KAZN: variants seen among roughly 807,000 people sequenced by gnomAD.
KAZN encodes the protein kazrin, periplakin interacting protein.
In KAZN, 40 loss-of-function variants were observed where a neutral mutation model predicts 87.4. That is an observed-to-expected ratio of 0.46 (90% confidence interval 0.36 to 0.60). KAZN has a LOEUF of 0.60. Ranked by LOEUF, KAZN falls within the 20% of genes least tolerant of loss-of-function variation. The probability of loss-of-function intolerance (pLI) is 0.00; values close to 1 mark genes in which losing one functional copy is unlikely to be tolerated. For synonymous variants in KAZN, 466 were observed against 458.3 expected, an observed-to-expected ratio of 1.02 and a Z score of -0.22; for missense variants, 898 against 1,073.9, an observed-to-expected ratio of 0.84 and a Z score of 2.29.
chr1:14,005,705 T>C (rs1357490503), intron 1 of KAZN, among the ~76,000 whole-genome samples: 1 of 152,230 alleles, frequency 6.6e-6, no homozygotes, highest in South Asian at 2.1e-4. Flanking sequence ...GATCTTTACC[T>C]ATAGAATTAA....
chr1:14,399,408 G>A (rs1571525385), intron 2 of KAZN, among the ~76,000 whole-genome samples: 1 of 152,146 alleles, frequency 6.6e-6, no homozygotes. Flanking sequence ...TTAGGTAGTA[G>A]TGTTCTATCA....
At chr1:14,569,219 A>G (rs1170427192) in intron 2 of KAZN, among the ~76,000 whole-genome samples, 2 of 152,096 alleles carry the variant, frequency 1.3e-5, no homozygotes, top group African/African-American at 2.4e-5. Context: ...TGGATATTAT[A>G]CAACAGATTC....
intron 2 of KAZN, among the ~76,000 whole-genome samples, chr1:14,295,131 C>G (rs1253107218): frequency 2.0e-5 from 3 of 152,090 alleles, no homozygotes; most frequent in African/African-American, 7.2e-5. Flanking sequence ...AGAAGGTGGA[C>G]AAATATGTAT....
At chr1:14,672,284 A>T (rs1389790161) in intron 1 of KAZN, among the ~76,000 whole-genome samples, 1 of 152,116 alleles carries the variant, frequency 6.6e-6, no homozygotes, top group Non-Finnish European at 1.5e-5. Context: ...TTTCCTCCAA[A>T]TCGAGTGGTA....
chr1:14,154,388 T>G (rs1645543205), intron 1 of KAZN, among the ~76,000 whole-genome samples: 2 of 151,892 alleles, frequency 1.3e-5, no homozygotes, highest in African/African-American at 2.4e-5. Flanking sequence ...ATTCTAATGG[T>G]TTTTTTTGTG....
At position 15,117,478 on chromosome 1, in the gene KAZN, C is replaced by T. The variant is rs1413357517; in HGVS notation, c.*2843C>T. On this transcript the variant is annotated 3_prime_UTR_variant, in exon 15 of 15. Transcript: ENST00000376030. ...GTCTGTTGGCATCGCTGTTTTCAGA[C>T]CCCAGGCTGCAGAGGAGGGGAGAAG... 1 of 152,462 alleles carries T rather than the reference C, an allele frequency of 6.6e-6. No homozygotes were observed. Among genetic ancestry groups the T allele is most frequent in the African/African-American group, 2.4e-5 (1 of 41,458 alleles). The allele number at this position is 152,462 out of a possible 1,614,324, so 9.4% of individuals were successfully genotyped here.
At chr1:14,853,327 G>A (rs1261735187) in intron 1 of KAZN, among the ~76,000 whole-genome samples, 1 of 152,164 alleles carries the variant, frequency 6.6e-6, no homozygotes, top group Non-Finnish European at 1.5e-5. Context: ...GGAGAGGACA[G>A]AGGAGACTTG....
At chr1:14,388,311 G>T (rs1426566644) in intron 2 of KAZN, among the ~76,000 whole-genome samples, 2 of 152,150 alleles carry the variant, frequency 1.3e-5, no homozygotes, top group South Asian at 2.1e-4. Context: ...GACCGGAGCT[G>T]TTTCTATTCA....
intron 2 of KAZN, among the ~76,000 whole-genome samples, chr1:14,451,419 C>T (rs989032497): frequency 6.6e-6 from 1 of 152,056 alleles, no homozygotes; most frequent in African/African-American, 2.4e-5. Context: ...TCTGTGGGAG[C>T]ACATGGTTAC....
At chr1:14,412,743 G>A (rs1048818646) in intron 2 of KAZN, among the ~76,000 whole-genome samples, 48 of 151,498 alleles carry the variant, frequency 3.2e-4, no homozygotes, top group African/African-American at 1.2e-3. Flanking sequence ...ATCAAGAATA[G>A]AATTATAATA....
chr1:14,864,254 G>C (rs1432522504), intron 1 of KAZN, among the ~76,000 whole-genome samples: 1 of 152,220 alleles, frequency 6.6e-6, no homozygotes, highest in Non-Finnish European at 1.5e-5. Flanking sequence ...ACAATGTCAA[G>C]GGACTGTTTC....
chr1:14,860,935 C>A (rs192012993), intron 1 of KAZN, among the ~76,000 whole-genome samples: 1 of 152,152 alleles, frequency 6.6e-6, no homozygotes, highest in Non-Finnish European at 1.5e-5. Context: ...TTATCAGATT[C>A]GAGTGGCTAA....
At chr1:14,268,808 C>T (rs1651698786) in intron 2 of KAZN, among the ~76,000 whole-genome samples, 1 of 152,214 alleles carries the variant, frequency 6.6e-6, no homozygotes, top group Admixed American at 6.5e-5. Context: ...TTGCAAATCA[C>T]AGCATTTTGG....
chr1:14,756,187 C>T (rs1448044895), intron 1 of KAZN, among the ~76,000 whole-genome samples: 1 of 152,200 alleles, frequency 6.6e-6, no homozygotes, highest in Non-Finnish European at 1.5e-5. Flanking sequence ...GACACCAGAG[C>T]CATGGTCTTC....
At chr1:14,333,151 C>T (rs1302615504) in intron 2 of KAZN, among the ~76,000 whole-genome samples, 2 of 152,114 alleles carry the variant, frequency 1.3e-5, no homozygotes, top group Non-Finnish European at 2.9e-5. Flanking sequence ...GTTTTCTGTT[C>T]CTGCATTAGT....
chr1:14,418,596 T>C (rs1260153500), intron 2 of KAZN, among the ~76,000 whole-genome samples: 1 of 152,220 alleles, frequency 6.6e-6, no homozygotes, highest in Non-Finnish European at 1.5e-5. Flanking sequence ...AGTTTGCCTC[T>C]AGATAGCAAG....
At chr1:14,925,247 C>T (rs1487597268) in intron 1 of KAZN, among the ~76,000 whole-genome samples, 1 of 152,144 alleles carries the variant, frequency 6.6e-6, no homozygotes, top group African/African-American at 2.4e-5. Context: ...CCTGCCCCTT[C>T]CCCCCAAGTT....
In KAZN at chr1:15,021,192, C is replaced by T. The variant is rs903081997; in HGVS notation, c.419-13557C>T. On this transcript the variant is annotated intron_variant, in intron 2 of 14. Transcript: ENST00000376030. The surrounding 1 kb of genome is among the most constrained non-coding windows in gnomAD (Gnocchi z 4.2). ...CTCCCTGTCCACCGGCCATTCCCTG[C>T]TCCATGCTGCCTCTTCCTCCTTTCT... Among the ~76,000 whole-genome samples the T allele has an allele frequency of 6.6e-5, 10 of 152,208 alleles. No individual in the cohort carries two copies. Among genetic ancestry groups the T allele is most frequent in the African/African-American group, 1.9e-4 (8 of 41,440 alleles).
At chr1:14,188,559 C>T (rs1646360688) in intron 2 of KAZN, among the ~76,000 whole-genome samples, 1 of 151,990 alleles carries the variant, frequency 6.6e-6, no homozygotes, top group East Asian at 1.9e-4. Context: ...TTTCATGAGA[C>T]ATAGGAGTGG....
Sources: gnomAD v4.1 joint callset for allele counts (sites outside exome capture counted in the v4.1 genomes callset) on GRCh38, gnomAD v4.1.1 for gene constraint, Gnocchi (gnomAD v3.1) non-coding constraint, MANE v1.5 for transcripts, NCBI Gene and HGNC (gene_info 2026-07-23, HGNC 2026-07-21) for gene names.